The following ZNF100 variants were observed in gnomAD, a reference collection of about 807,000 sequenced individuals.
ZNF100 encodes zinc finger protein 100 (Y1).
A neutral mutation model predicts 15.8 loss-of-function variants in ZNF100; 12 were observed. The observed-to-expected ratio is 0.76, with a 90% CI of 0.49 to 1.23. The LOEUF is 1.23. Among genes scored for constraint, ZNF100 ranks in the 50% most tolerant of loss-of-function variants. ZNF100 has a pLI of 0.00. For synonymous variants in ZNF100, 226 were observed against 214.8 expected (o/e 1.05, Z -0.45); for missense variants, 670 against 635.6 (o/e 1.05, Z -0.58).
Position 21,723,360 on chromosome 19 carries a change from C to CAAAAAAAAAAAAA in ZNF100, c.*3310_*3322dup, listed in dbSNP as rs763305626. The CAAAAAAAAAAAAA allele has an allele frequency of 1.9e-5, 1 of 52,814 alleles. No homozygotes were observed. The highest frequency in any genetic ancestry group is 7.5e-5 in the African/African-American group (1 of 13,364). 3.3% of individuals were successfully genotyped at this position (52,814 alleles called of 1,614,324 possible). ...GGGCAACAAGAGTGAGACTCTGTCT[C>CAAAAAAAAAAAAA]AAAAAAAAAAAAAAAAAAAAAAACA... On this transcript the variant is annotated 3_prime_UTR_variant, in exon 5 of 5. Coordinates refer to ENST00000358296, the MANE Select transcript of ZNF100 (RefSeq NM_173531.4).
intron 2 of ZNF100, among the ~76,000 whole-genome samples, chr19:21,764,377 C>T (rs2036527529): frequency 6.6e-6 from 1 of 152,082 alleles, no homozygotes; most frequent in Non-Finnish European, 1.5e-5. Context: ...GGCATGGTGG[C>T]TCATGCTTGT....
At chr19:21,767,288 A>T in intron 1 of ZNF100, 139 bp downstream of exon 1, 6 of 1,446,778 alleles carry the variant, frequency 4.1e-6, no homozygotes, top group Non-Finnish European at 3.8e-6. Flanking sequence ...TTATGGCCGA[A>T]GGGGACGGAG....
intron 4 of ZNF100, among the ~76,000 whole-genome samples, chr19:21,735,519 A>G (rs2035993566): frequency 6.7e-6 from 1 of 149,680 alleles, no homozygotes; most frequent in Admixed American, 6.6e-5. Flanking sequence ...AAAAAAAAAA[A>G]AAGGCACAGA....
intron 4 of ZNF100, among the ~76,000 whole-genome samples, chr19:21,733,324 A>G (rs57533752): frequency 2.3e-4 from 30 of 128,780 alleles, no homozygotes; most frequent in African/African-American, 8.6e-4. Flanking sequence ...ATTGGAAAAT[A>G]TAACAACAGA....
chr19:21,743,552 G>A (rs2036156257), intron 4 of ZNF100, among the ~76,000 whole-genome samples: 2 of 152,018 alleles, frequency 1.3e-5, no homozygotes, highest in African/African-American at 4.8e-5. Flanking sequence ...AATAAAAACA[G>A]GATGGAATGT....
chr19:21,751,952 C>G, intron 2 of ZNF100: 1 of 448,290 alleles, frequency 2.2e-6, no homozygotes, highest in Non-Finnish European at 4.1e-6. Context: ...TGTCACGGGA[C>G]CTTCATCTAC....
chr19:21,759,258 A>G (rs761831429), intron 2 of ZNF100, among the ~76,000 whole-genome samples: 24 of 152,196 alleles, frequency 1.6e-4, no homozygotes, highest in Admixed American at 6.5e-5. Context: ...ACAGATTATA[A>G]AAGATACAAC....
rs1394172724 is a variant in ZNF100, at chr19:21,723,850, G to A, written c.*2833C>T. The A allele has an allele frequency of 6.6e-6, 1 of 152,112 alleles. No homozygotes were observed. The highest frequency in any genetic ancestry group is 1.5e-5 in the Non-Finnish European group (1 of 68,008). The allele number at this position is 152,112 out of a possible 1,614,324, so 9.4% of individuals were successfully genotyped here. On this transcript the variant is annotated 3_prime_UTR_variant, in exon 5 of 5. Transcript: ENST00000358296. ...TGACTCAATAAATAAATTTACTTAT[G>A]TCAACTATAAAAAGTGAAAAGAAAA...
intron 2 of ZNF100, chr19:21,751,827 A>C (rs2036312058): frequency 2.2e-6 from 2 of 921,482 alleles, no homozygotes; most frequent in East Asian, 4.8e-5. Flanking sequence ...AGATTATGTG[A>C]AGACAAAGAC....
At chr19:21,752,375 TA>T (rs1419163483) in intron 2 of ZNF100, 1 of 152,668 alleles carries the variant, frequency 6.6e-6, no homozygotes, top group Non-Finnish European at 1.5e-5. Context: ...GGACTCTAAC[TA>T]AAGCCACTTA....
intron 2 of ZNF100, among the ~76,000 whole-genome samples, chr19:21,753,948 T>C (rs2036351485): frequency 1.3e-5 from 2 of 152,216 alleles, no homozygotes; most frequent in Non-Finnish European, 2.9e-5. Context: ...AACACTTACT[T>C]CAGGCTTTAA....
chr19:21,735,864 C>T (rs190291790), intron 4 of ZNF100, among the ~76,000 whole-genome samples: 201 of 152,268 alleles, frequency 1.3e-3, no homozygotes, highest in Middle Eastern at 3.4e-3. Context: ...TCTTGGCTCA[C>T]TGCAAGCTCT....
At chr19:21,765,657 G>T in intron 2 of ZNF100, 37 bp downstream of exon 2, 1 of 1,585,884 alleles carries the variant, frequency 6.3e-7, no homozygotes, top group African/African-American at 1.3e-5. Context: ...TGAAAGCTGG[G>T]TTGGGTGAAG....
At chr19:21,738,320 A>G (rs1178743732) in intron 4 of ZNF100, among the ~76,000 whole-genome samples, 1 of 147,556 alleles carries the variant, frequency 6.8e-6, no homozygotes, top group East Asian at 2.0e-4. Flanking sequence ...CTATTTTAAA[A>G]TTAATGTGGA....
At chr19:21,730,449 T>A (rs1599377716) in intron 4 of ZNF100, among the ~76,000 whole-genome samples, 2 of 116,786 alleles carry the variant, frequency 1.7e-5, no homozygotes, top group South Asian at 3.1e-4. Context: ...AACCTAAGTG[T>A]GTGTGTGTGT....
chr19:21,750,001 C>A (rs1310200919), intron 2 of ZNF100, among the ~76,000 whole-genome samples: 1 of 151,508 alleles, frequency 6.6e-6, no homozygotes, highest in Non-Finnish European at 1.5e-5. Context: ...GAGAGCTCCC[C>A]TCATAGAGGC....
intron 2 of ZNF100, among the ~76,000 whole-genome samples, chr19:21,748,707 T>C (rs1440271061): frequency 7.9e-6 from 1 of 127,332 alleles, no homozygotes; most frequent in African/African-American, 3.2e-5. Flanking sequence ...AGTTTTTTTG[T>C]TTTGTTTTGT....
rs991914828 is a variant in ZNF100, at chr19:21,767,553, G to T, written c.-124C>A. ...CAGAGAAGTGAGAGCAAAACCTGGA[G>T]CTCCGGCTACAGCGAGAGACAAAGA... On this transcript the variant is annotated 5_prime_UTR_variant, in exon 1 of 5. Coordinates refer to ENST00000358296, the MANE Select transcript of ZNF100 (RefSeq NM_173531.4). 7.0e-7 allele frequency: 1 copy of T among 1,427,938 alleles called. No individual in the cohort carries two copies. The highest frequency in any genetic ancestry group is 9.5e-7 in the Non-Finnish European group (1 of 1,048,372). The allele number at this position is 1,427,938 out of a possible 1,614,324, so 88.5% of individuals were successfully genotyped here.
intron 2 of ZNF100, among the ~76,000 whole-genome samples, chr19:21,750,178 A>C (rs1302025186): frequency 1.3e-5 from 2 of 152,204 alleles, no homozygotes; most frequent in Non-Finnish European, 2.9e-5. Flanking sequence ...GAATAGACCA[A>C]TAACAAGTGC....
Sources: allele counts gnomAD v4.1 joint callset (sites outside exome capture counted in the v4.1 genomes callset), GRCh38; gene constraint gnomAD v4.1.1; transcripts MANE v1.5; gene names NCBI Gene and HGNC (gene_info 2026-07-23, HGNC 2026-07-21).